The following ESPNL variants were observed in gnomAD, a reference collection of about 807,000 sequenced individuals.
ESPNL encodes the protein espin-like protein.
A neutral mutation model predicts 46.8 loss-of-function variants in ESPNL; 49 were observed. That is an observed-to-expected ratio of 1.05 (90% CI 0.83 to 1.33). The LOEUF (loss-of-function observed/expected upper bound fraction) is 1.33, where lower values mean the gene tolerates loss of function less well. Ranked by LOEUF, ESPNL falls within the 40% of genes most tolerant of loss-of-function variation. The pLI is 0.00. For missense variants in ESPNL, 1,540 were observed against 1,436.6 expected, an observed-to-expected ratio of 1.07 and a Z score of -1.16; for synonymous variants, 664 against 662.1, an observed-to-expected ratio of 1.00 and a Z score of -0.04.
chr2:238,117,351 A>T (rs1691839998), intron 5 of ESPNL, among the ~76,000 whole-genome samples: 1 of 152,222 alleles, frequency 6.6e-6, no homozygotes, highest in Non-Finnish European at 1.5e-5. Flanking sequence ...GCCTGGGGCC[A>T]TGGCTGTGGC....
Position 238,131,437 on chromosome 2 carries a change from TG to T in ESPNL, c.2725del (p.Ala909ProfsTer37), listed in dbSNP as rs760051476. On this transcript the variant is annotated frameshift_variant, in exon 9 of 9. Transcript: ENST00000343063. LOFTEE classifies it low-confidence loss of function (END_TRUNC). ...RAFHKAVTDE[V>X]AAGRRAWTDG... Reference sequence around the variant, plus strand: ...TTCCACAAGGCCGTGACCGACGAGGTGGCCGCCGGCCGCCGGGCCTGGACCG... The same window carrying T: ...TTCCACAAGGCCGTGACCGACGAGGTGCCGCCGGCCGCCGGGCCTGGACCG... 6.2e-7 allele frequency: 1 copy of T among 1,609,038 alleles called. No individual in the cohort carries two copies. Among genetic ancestry groups the T allele is most frequent in the Non-Finnish European group, 8.5e-7 (1 of 1,178,094 alleles).
intron 8 of ESPNL, chr2:238,129,162 CTGTGCCAAGCGT>C: frequency 7.2e-7 from 1 of 1,394,154 alleles, no homozygotes; most frequent in South Asian, 1.7e-5. Context: ...ACATGCCTGC[CTGTGCCAAGCGT>C]TGTTCTAGGC....
At chr2:238,123,739 G>A (rs959766067) in intron 5 of ESPNL, among the ~76,000 whole-genome samples, 1 of 152,204 alleles carries the variant, frequency 6.6e-6, no homozygotes, top group Non-Finnish European at 1.5e-5. Context: ...GAGGGCCTCC[G>A]GGGCTGGGGC....
chr2:238,130,678 T>C lies in ESPNL; in HGVS notation c.1964T>C (p.Leu655Pro), dbSNP rs1319976107. 3.8e-6 allele frequency: 6 copies of C among 1,562,602 alleles called. No homozygotes were observed. Among genetic ancestry groups the C allele is most frequent in the Non-Finnish European group, 5.2e-6 (6 of 1,154,216 alleles). ...IQEWGVSVRTLRGNFESASGP... is the reference protein window; with the variant it reads ...IQEWGVSVRTPRGNFESASGP... Reference sequence around the variant, plus strand: ...GAGTGGGGGGTGTCTGTGCGGACGCTGCGGGGCAACTTCGAGTCGGCCTCT... The same window carrying C: ...GAGTGGGGGGTGTCTGTGCGGACGCCGCGGGGCAACTTCGAGTCGGCCTCT... Residue 655 changes from leucine (L) to proline (P), a missense_variant, in exon 9 of 9, where the codon CTG becomes CCG. Transcript: ENST00000343063.
At chr2:238,105,923 G>A (rs542832870) in intron 3 of ESPNL, among the ~76,000 whole-genome samples, 1 of 152,274 alleles carries the variant, frequency 6.6e-6, no homozygotes, top group Admixed American at 6.5e-5. Context: ...AGCAAGCCAG[G>A]CTGGCTCTGC....
At chr2:238,122,048 C>T (rs924581994) in intron 5 of ESPNL, among the ~76,000 whole-genome samples, 9 of 152,262 alleles carry the variant, frequency 5.9e-5, no homozygotes, top group Non-Finnish European at 1.0e-4. Flanking sequence ...GCAGCCTCCG[C>T]GGTGCTCAAA....
chr2:238,101,816 AAG>A, intron 1 of ESPNL, 123 bp from the exon 2 acceptor site: 1 of 168,212 alleles, frequency 5.9e-6, no homozygotes, highest in South Asian at 7.1e-5. Flanking sequence ...GGGAAGGAGG[AAG>A]GAGCTGGAAG....
intron 5 of ESPNL, among the ~76,000 whole-genome samples, chr2:238,121,957 G>A (rs1016588350): frequency 1.2e-4 from 19 of 152,360 alleles, no homozygotes; most frequent in African/African-American, 2.9e-4. Context: ...GCACCCATCC[G>A]TGGGCCGTGA....
At position 238,114,066 on chromosome 2, in the gene ESPNL, A is replaced by G. The variant is rs1338376683; in HGVS notation, c.856-2837A>G. Among the ~76,000 whole-genome samples the G allele has an allele frequency of 6.6e-6, 1 of 152,044 alleles. No homozygotes were observed. The highest frequency in any genetic ancestry group is 1.5e-5 in the Non-Finnish European group (1 of 67,992). On this transcript the variant is annotated intron_variant, in intron 4 of 8. Transcript: ENST00000343063. This position sits in a 1 kb window ranked among gnomAD's most constrained non-coding sequence, Gnocchi z 5.0. ...CTTGGGCAGTGGGTTGGTCTGACCC[A>G]CCTGGTTCTCTCCTCCCTGGAGTGG...
At position 238,116,794 on chromosome 2, in the gene ESPNL, C is replaced by G. The variant is rs954655645; in HGVS notation, c.856-109C>G. The G allele has an allele frequency of 5.4e-5, 75 of 1,387,050 alleles. No homozygotes were observed. In the Middle Eastern group the frequency reaches 9.9e-4, roughly 18 times the overall value. 85.9% of individuals were successfully genotyped at this position (1,387,050 alleles called of 1,614,324 possible). On this transcript the variant is annotated intron_variant, in intron 4 of 8. Coordinates refer to ENST00000343063, the MANE Select transcript of ESPNL (RefSeq NM_194312.4). ...CAAGTCCTGCCCCTGCTGGGAAGGG[C>G]ATCAGGGCAGCCTGCGCCATGGGGC... is the stretch of plus-strand genomic sequence containing the variant.
chr2:238,126,712 CTG>C lies in ESPNL; in HGVS notation c.1103-904_1103-903del, dbSNP rs552270943. ...TGATTGTGTCTGTGTATGCTTGTGTCTGTGTGTCTCTGCGTATGATTGTGTCT... is the reference window on the plus strand; with the variant it reads ...TGATTGTGTCTGTGTATGCTTGTGTCTGTGTCTCTGCGTATGATTGTGTCT... On this transcript the variant is annotated intron_variant, in intron 6 of 8. Coordinates refer to ENST00000343063, the MANE Select transcript of ESPNL (RefSeq NM_194312.4). Among the ~76,000 whole-genome samples the C allele has an allele frequency of 1.4e-3, 203 of 145,924 alleles. 3 individuals are homozygous for C. The South Asian group carries it at 0.017, about 12-fold the overall frequency.
At chr2:238,102,556 G>A (rs2106463475) in intron 2 of ESPNL, among the ~76,000 whole-genome samples, 1 of 152,300 alleles carries the variant, frequency 6.6e-6, no homozygotes, top group African/African-American at 2.4e-5. Context: ...GGGACACAGA[G>A]GCTGGAGCTG....
At chr2:238,113,376 A>G (rs1453442072) in intron 4 of ESPNL, among the ~76,000 whole-genome samples, 1 of 151,332 alleles carries the variant, frequency 6.6e-6, no homozygotes, top group Non-Finnish European at 1.5e-5. Context: ...GTTTATTTTT[A>G]CTCTGTTATT....
Position 238,130,143 on chromosome 2 carries a change from T to C in ESPNL, c.1429T>C (p.Ser477Pro). The C allele has an allele frequency of 1.2e-6, 2 of 1,611,282 alleles. No homozygotes were observed. Among genetic ancestry groups the C allele is most frequent in the Non-Finnish European group, 1.7e-6 (2 of 1,178,880 alleles). Residue 477 changes from serine (S) to proline (P), a missense_variant, in exon 9 of 9, where the codon TCA becomes CCA. Coordinates refer to ENST00000343063, the MANE Select transcript of ESPNL (RefSeq NM_194312.4). ...CTGTGCCCAGGACAATGGTGGGAGC[T>C]CAGGCCCCACGGAGCAGGCGGCCTG... ...SAEAQDNGGSSGPTEQAAWRY... is the reference protein window; with the variant it reads ...SAEAQDNGGSPGPTEQAAWRY...
chr2:238,130,499 C>T lies in ESPNL; in HGVS notation c.1785C>T (p.His595=). Reference sequence around the variant, plus strand: ...AGCCCCTGCCCTTCTGGTGCAGCCACATCTCCCGCCTGGTACGCAGCCTGT... The same window carrying T: ...AGCCCCTGCCCTTCTGGTGCAGCCATATCTCCCGCCTGGTACGCAGCCTGT... ...GVQPLPFWCS[H]ISRLVRSLSL... is the part of the protein sequence containing the mutation. Residue 595 remains histidine, a synonymous_variant, in exon 9 of 9, where the codon CAC becomes CAT. Transcript: ENST00000343063. 1 of 1,598,254 alleles carries T rather than the reference C, an allele frequency of 6.3e-7. No individual in the cohort carries two copies. Among genetic ancestry groups the T allele is most frequent in the Non-Finnish European group, 8.5e-7 (1 of 1,172,322 alleles).
intron 4 of ESPNL, among the ~76,000 whole-genome samples, chr2:238,115,174 C>G (rs1691790010): frequency 6.6e-6 from 1 of 152,182 alleles, no homozygotes; most frequent in Admixed American, 6.5e-5. Context: ...GAGCAGGGCT[C>G]TATCTTTTTG....
chr2:238,118,762 AGGGT>A (rs1691893294), intron 5 of ESPNL, among the ~76,000 whole-genome samples: 3 of 43,434 alleles, frequency 6.9e-5, no homozygotes, highest in African/African-American at 2.0e-4. Flanking sequence ...TGGATGGAGG[AGGGT>A]GGATGGAGGA....
At chr2:238,118,781 A>G (rs142061364) in intron 5 of ESPNL, among the ~76,000 whole-genome samples, 210 of 15,154 alleles carry the variant, frequency 0.014, no homozygotes, top group Middle Eastern at 0.083. Flanking sequence ...GGAGGAGGGG[A>G]GATGGAGGAG....
intron 3 of ESPNL, among the ~76,000 whole-genome samples, chr2:238,105,525 A>C (rs1372535457): frequency 1.3e-5 from 2 of 151,912 alleles, no homozygotes; most frequent in East Asian, 3.9e-4. Context: ...AAAAAAAAAA[A>C]AAAAAAAGAG....
Sources: allele counts gnomAD v4.1 joint callset (sites outside exome capture counted in the v4.1 genomes callset), GRCh38; gene constraint gnomAD v4.1.1; non-coding constraint Gnocchi (gnomAD v3.1); transcripts MANE v1.5; gene names NCBI Gene and HGNC (gene_info 2026-07-23, HGNC 2026-07-21).